C2: variants seen among roughly 807,000 people sequenced by gnomAD.
C2 encodes complement C2.
Under a neutral mutation model 85.2 loss-of-function variants are expected in C2, and 64 were observed. That is an observed-to-expected ratio of 0.75 (90% CI 0.61 to 0.92). The LOEUF is 0.92. Among genes scored for constraint, C2 ranks in the 40% least tolerant of loss-of-function variants. C2 has a pLI of 0.00. For missense variants in C2, 820 were observed against 971.6 expected, an observed-to-expected ratio of 0.84 and a Z score of 2.07; for synonymous variants, 311 against 370.8, an observed-to-expected ratio of 0.84 and a Z score of 1.85.
Position 31,911,814 on chromosome 6 carries a change from G to GAAAT in C2, c.73+10676_73+10679dup, listed in dbSNP as rs1562556809. The stretch of plus-strand genomic sequence containing the variant: ...CTGGCTAATTTTTGTATTTTTAGTA[G>GAAAT]AAATGGGGTTTCACCATGTTGGCCA... On this transcript the variant is annotated intron_variant, in intron 1 of 3. Coordinates refer to the C2 transcript ENST00000452202. 9.9e-5 allele frequency among the ~76,000 whole-genome samples: 15 copies of GAAAT among 151,578 alleles called. No homozygotes were observed. The South Asian group carries it at 2.9e-3, about 30-fold the overall frequency.
chr6:31,912,645 G>C (rs1768192765), intron 1 of C2, among the ~76,000 whole-genome samples: 1 of 152,054 alleles, frequency 6.6e-6, no homozygotes, highest in African/African-American at 2.4e-5. Context: ...TTCGAGACCA[G>C]TCTGGCCAAC....
At chr6:31,942,461 G>A (rs1325658582) in intron 9 of C2, among the ~76,000 whole-genome samples, 1 of 151,452 alleles carries the variant, frequency 6.6e-6, no homozygotes, top group African/African-American at 2.4e-5. Flanking sequence ...AACCCAGCAG[G>A]TGGTAGGTGA....
Position 31,944,754 on chromosome 6 carries a change from C to T in C2, c.1930C>T (p.Gln644Ter). ...EWTSCAEVVSQEKTMFPNLTD... is the reference protein window; with the variant it reads ...EWTSCAEVVS ...GACAAGCTGTGCCGAGGTTGTCTCC[C>T]AAGAAAAAACCATGTTCCCCAACTT... Residue 644 changes from glutamine to a stop codon, truncating the protein, a stop_gained, in exon 16 of 18, where the codon CAA becomes TAA. Coordinates refer to ENST00000299367, the MANE Select transcript of C2 (RefSeq NM_000063.6). LOFTEE classifies it high-confidence loss of function. This position sits in a 1 kb window ranked among gnomAD's most constrained non-coding sequence, Gnocchi z 5.1. The T allele has an allele frequency of 6.2e-7, 1 of 1,613,042 alleles. No homozygotes were observed. Among genetic ancestry groups the T allele is most frequent in the Non-Finnish European group, 8.5e-7 (1 of 1,180,024 alleles).
upstream of C2, among the ~76,000 whole-genome samples, chr6:31,898,285 G>C (rs1766855231): frequency 6.6e-6 from 1 of 152,234 alleles, no homozygotes; most frequent in Non-Finnish European, 1.5e-5. Flanking sequence ...GGTAAGCCCA[G>C]CGGCCCGAAC....
Position 31,912,647 on chromosome 6 carries a change from C to G in C2, c.73+11508C>G, listed in dbSNP as rs7452637. ...CTGAGGTCAGGAGTTCGAGACCAGT[C>G]TGGCCAACATGGTGAAACCCTGTCT... is the stretch of plus-strand genomic sequence containing the variant. On this transcript the variant is annotated intron_variant, in intron 1 of 3. Transcript: ENST00000452202. Among the ~76,000 whole-genome samples the G allele has an allele frequency of 3.3e-5, 5 of 152,014 alleles. No homozygotes were observed. The East Asian group carries it at 5.8e-4, about 18-fold the overall frequency.
At chr6:31,930,764 TGTAGGAGG>T (rs1769676133) in intron 3 of C2, among the ~76,000 whole-genome samples, 1 of 152,250 alleles carries the variant, frequency 6.6e-6, no homozygotes, top group African/African-American at 2.4e-5. Context: ...CCATTTATTC[TGTAGGAGG>T]GTGAAGTAGA....
Position 31,943,226 on chromosome 6 carries a change from T to C in C2, c.1362T>C (p.Asp454=), listed in dbSNP as rs1191071519. Residue 454 remains aspartate, a splice_region_variant and synonymous_variant, in exon 11 of 18, where the codon GAT becomes GAC. Coordinates refer to ENST00000299367, the MANE Select transcript of C2 (RefSeq NM_000063.6). This position sits in a 1 kb window ranked among gnomAD's most constrained non-coding sequence, Gnocchi z 6.4. ...ALHQVFEHML[D]VSKLTDTICG... is the part of the protein sequence containing the mutation. ...CCCATCTGATCCTCACACCCACAGA[T>C]GTCTCCAAGCTCACAGACACCATCT... is the stretch of plus-strand genomic sequence containing the variant. 24 of 1,612,874 alleles carry C rather than the reference T, an allele frequency of 1.5e-5. No individual in the cohort carries two copies. The highest frequency in any genetic ancestry group is 2.0e-5 in the Non-Finnish European group (24 of 1,180,012).
chr6:31,923,320 A>G (rs1017478744), upstream of C2, among the ~76,000 whole-genome samples: 6 of 152,134 alleles, frequency 3.9e-5, no homozygotes, highest in Non-Finnish European at 5.9e-5. Context: ...GGCAGACTTG[A>G]TGGAGACCCT....
upstream of C2, chr6:31,927,481 G>A (rs953968570): frequency 4.2e-6 from 6 of 1,418,570 alleles, no homozygotes; most frequent in African/African-American, 2.9e-5. This position sits in a 1 kb window ranked among gnomAD's most constrained non-coding sequence, Gnocchi z 4.7. Context: ...TGGGTGGAGC[G>A]TGGGGGCAGT....
chr6:31,923,649 A>ATT (rs201661801), upstream of C2, among the ~76,000 whole-genome samples: 9 of 141,234 alleles, frequency 6.4e-5, no homozygotes, highest in African/African-American at 1.3e-4. Flanking sequence ...CACCCAGCTA[A>ATT]TTTTTTTTTT....
chr6:31,940,133 T>C (rs559377706), intron 9 of C2, among the ~76,000 whole-genome samples: 1 of 152,326 alleles, frequency 6.6e-6, no homozygotes, highest in African/African-American at 2.4e-5. Flanking sequence ...ACAGAGAACC[T>C]TGGTTTCATC....
chr6:31,931,883 G>T (rs1426425029), intron 3 of C2, among the ~76,000 whole-genome samples: 1 of 149,238 alleles, frequency 6.7e-6, no homozygotes, highest in African/African-American at 2.5e-5. Context: ...GCGGCTGGCC[G>T]GGCGGGGGGC....
chr6:31,943,841 G>A lies in C2; in HGVS notation c.1733+32G>A, dbSNP rs1005908393. On this transcript the variant is annotated intron_variant, in intron 13 of 17. Transcript: ENST00000299367. This position sits in a 1 kb window ranked among gnomAD's most constrained non-coding sequence, Gnocchi z 6.4. ...GGAGTCTGGGATGGGAGGGTGCCCT[G>A]CAGGGAAGAGTGCTCTGGAGATCCC... 7 of 1,612,536 alleles carry A rather than the reference G, an allele frequency of 4.3e-6. No individual in the cohort carries two copies. Among genetic ancestry groups the A allele is most frequent in the Non-Finnish European group, 5.1e-6 (6 of 1,179,738 alleles).
At position 31,928,924 on chromosome 6, in the gene C2, T is replaced by G; in HGVS notation, c.442+7T>G. The G allele has an allele frequency of 1.2e-6, 2 of 1,607,888 alleles. No homozygotes were observed. Among genetic ancestry groups the G allele is most frequent in the Non-Finnish European group, 1.7e-6 (2 of 1,175,832 alleles). ...GCTGTGTGTGATAATGGGGGTGAGT[T>G]CTCTGGCTGATGGGCTACACAGGGG... On this transcript the variant is annotated splice_region_variant and intron_variant, in intron 3 of 17. Coordinates refer to ENST00000299367, the MANE Select transcript of C2 (RefSeq NM_000063.6).
rs894441537 is a variant in C2, at chr6:31,927,943, C to T, written c.47-12C>T. 1.2e-6 allele frequency: 2 copies of T among 1,612,478 alleles called. No homozygotes were observed. Among genetic ancestry groups the T allele is most frequent in the African/African-American group, 1.3e-5 (1 of 74,998 alleles). On this transcript the variant is annotated splice_polypyrimidine_tract_variant and intron_variant, in intron 1 of 17. Coordinates refer to ENST00000299367, the MANE Select transcript of C2 (RefSeq NM_000063.6). This position sits in a 1 kb window ranked among gnomAD's most constrained non-coding sequence, Gnocchi z 4.7. ...TTTCTCCATTGCTGTCTCCTTGTTC[C>T]CACGGCTCTAGGTCTGGCAGACTCG...
At chr6:31,927,687 C>T (rs1162620890), upstream of C2, 28 of 1,612,374 alleles carry the variant, frequency 1.7e-5, no homozygotes, top group East Asian at 2.0e-4. The surrounding 1 kb of genome is among the most constrained non-coding windows in gnomAD (Gnocchi z 4.7). Flanking sequence ...CTCTAGTTTT[C>T]GGGAAGTCAG....
upstream of C2, among the ~76,000 whole-genome samples, chr6:31,925,757 C>G (rs1490507957): frequency 6.6e-6 from 1 of 152,184 alleles, no homozygotes; most frequent in Non-Finnish European, 1.5e-5. Context: ...AAACAAGTGG[C>G]TGGGGAAATC....
intron 1 of C2, among the ~76,000 whole-genome samples, chr6:31,906,354 G>A (rs1378144213): frequency 6.6e-6 from 1 of 151,712 alleles, no homozygotes; most frequent in African/African-American, 2.4e-5. Flanking sequence ...TCCTTCTTCA[G>A]AGCTCCTTAT....
At chr6:31,923,904 A>C (rs987148224), upstream of C2, among the ~76,000 whole-genome samples, 1 of 151,252 alleles carries the variant, frequency 6.6e-6, no homozygotes, top group Non-Finnish European at 1.5e-5. Context: ...GGTTCCTGCC[A>C]TTCTCCTGCC....
Sources: allele counts gnomAD v4.1 joint callset (sites outside exome capture counted in the v4.1 genomes callset), GRCh38; gene constraint gnomAD v4.1.1; non-coding constraint Gnocchi (gnomAD v3.1); transcripts MANE v1.5; gene names NCBI Gene and HGNC (gene_info 2026-07-23, HGNC 2026-07-21).